The following MEGF10 variants were observed in gnomAD, a reference collection of about 807,000 sequenced individuals.
MEGF10 encodes the protein multiple EGF like domains 10.
Under a neutral mutation model 147.5 loss-of-function variants are expected in MEGF10, and 86 were observed. The observed-to-expected ratio is 0.58, with a 90% CI of 0.49 to 0.70. The LOEUF (loss-of-function observed/expected upper bound fraction) is 0.70. MEGF10 is among the 30% of genes least tolerant of loss of function. The pLI is 0.00. For missense variants in MEGF10, 1,329 were observed against 1,487.3 expected (o/e 0.89, Z 1.75); for synonymous variants, 478 against 525.5 (o/e 0.91, Z 1.24).
chr5:127,254,711 T>C, the MEGF10 span, among the ~76,000 whole-genome samples: 2 of 151,378 alleles, frequency 1.3e-5, no homozygotes, highest in Non-Finnish European at 2.9e-5. Context: ...CTTGGGAGGC[T>C]GAGGCAGGAG....
intron 7 of MEGF10, among the ~76,000 whole-genome samples, chr5:127,401,458 C>G (rs1327896115): frequency 1.3e-5 from 2 of 152,166 alleles, no homozygotes; most frequent in African/African-American, 4.8e-5. Context: ...AATTAGCACA[C>G]CAACTGCCTT....
chr5:127,319,582 C>G (rs1002565365), intron 1 of MEGF10, among the ~76,000 whole-genome samples: 4 of 152,178 alleles, frequency 2.6e-5, no homozygotes, highest in African/African-American at 9.6e-5. Flanking sequence ...TCCATCAGCT[C>G]TTTCACATGG....
In MEGF10 at chr5:127,420,029, G is replaced by C; in HGVS notation, c.1427-15G>C. On this transcript the variant is annotated splice_polypyrimidine_tract_variant and intron_variant, in intron 11 of 24. Coordinates refer to ENST00000503335, the MANE Select transcript of MEGF10 (RefSeq NM_001256545.2). ...CCTTTGTTCGCTCACGTGCTCTGGC[G>C]TTCTTGTCGCACAGGCTGGCACGGG... The C allele has an allele frequency of 6.2e-7, 1 of 1,613,178 alleles. No individual in the cohort carries two copies. The highest frequency in any genetic ancestry group is 8.5e-7 in the Non-Finnish European group (1 of 1,179,582).
chr5:127,275,083 A>G, the MEGF10 span, among the ~76,000 whole-genome samples: 17 of 152,362 alleles, frequency 1.1e-4, no homozygotes, highest in South Asian at 4.1e-4. Context: ...CCAGCAGACA[A>G]GCCCTGGGCT....
chr5:127,245,652 A>G, the MEGF10 span, among the ~76,000 whole-genome samples: 4 of 152,252 alleles, frequency 2.6e-5, no homozygotes, highest in Admixed American at 2.0e-4. Context: ...AAAAGAAACT[A>G]TCATCAGAGT....
At chr5:127,269,652 T>C in the MEGF10 span, among the ~76,000 whole-genome samples, 18 of 152,300 alleles carry the variant, frequency 1.2e-4, no homozygotes, top group Non-Finnish European at 4.4e-5. Flanking sequence ...GGAACCAAGT[T>C]GGAAAACACT....
chr5:127,421,411 T>A (rs1223555198), intron 12 of MEGF10, among the ~76,000 whole-genome samples: 6 of 152,228 alleles, frequency 3.9e-5, no homozygotes, highest in Non-Finnish European at 8.8e-5. Flanking sequence ...CTGGTTCCCA[T>A]GTTCCTCCTC....
chr5:127,366,219 T>C (rs771513884), intron 4 of MEGF10, among the ~76,000 whole-genome samples: 2 of 152,072 alleles, frequency 1.3e-5, no homozygotes, highest in Non-Finnish European at 2.9e-5. Flanking sequence ...CCTTGGTGAG[T>C]TGGGACATCA....
At chr5:127,263,374 C>A in the MEGF10 span, among the ~76,000 whole-genome samples, 2 of 151,826 alleles carry the variant, frequency 1.3e-5, no homozygotes, top group Non-Finnish European at 2.9e-5. Flanking sequence ...CATGCCTTTG[C>A]TATAGATTTC....
chr5:127,267,090 C>T, the MEGF10 span, among the ~76,000 whole-genome samples: 2 of 152,166 alleles, frequency 1.3e-5, no homozygotes, highest in Non-Finnish European at 1.5e-5. Context: ...TTTTGAGATA[C>T]AGCCCATCAA....
intron 13 of MEGF10, among the ~76,000 whole-genome samples, chr5:127,431,699 C>T (rs1269292646): frequency 6.6e-6 from 1 of 152,166 alleles, no homozygotes; most frequent in Non-Finnish European, 1.5e-5. Flanking sequence ...TCTTGGCTCA[C>T]GGTCAGAGTC....
the MEGF10 span, among the ~76,000 whole-genome samples, chr5:127,285,596 A>G: frequency 1.3e-5 from 2 of 152,158 alleles, no homozygotes; most frequent in Admixed American, 1.3e-4. Flanking sequence ...AACTAATGAG[A>G]CCCAGTTGAC....
intron 1 of MEGF10, among the ~76,000 whole-genome samples, chr5:127,312,375 C>T (rs1455991220): frequency 2.6e-5 from 4 of 152,146 alleles, no homozygotes; most frequent in Admixed American, 6.5e-5. Flanking sequence ...TTTTTGGCAC[C>T]GTGTCCGACA....
rs548229747 is a variant in MEGF10 at position 127,311,999 on chromosome 5, CT to C, written c.-18-19289del. On this transcript the variant is annotated intron_variant, in intron 1 of 24. Transcript: ENST00000503335. Reference sequence around the variant, plus strand: ...TAATTACCGCAGGAGCTAGGAAATGCTTTAAATCAGCAGCATCCCATCACAA... The same window carrying C: ...TAATTACCGCAGGAGCTAGGAAATGCTTAAATCAGCAGCATCCCATCACAA... Among the ~76,000 whole-genome samples the C allele has an allele frequency of 2.6e-5, 4 of 152,266 alleles. No homozygotes were observed. In the East Asian group the frequency reaches 7.7e-4, roughly 29 times the overall value.
rs191968256 is a variant in MEGF10 at position 127,365,684 on chromosome 5, C to A, written c.320-4226C>A. ...GTGCAGCTTGCTGTGTCTGAAGGAGCATACTGAGAGTAGGTTGAGATTCAG... is the reference window on the plus strand; with the variant it reads ...GTGCAGCTTGCTGTGTCTGAAGGAGAATACTGAGAGTAGGTTGAGATTCAG... On this transcript the variant is annotated intron_variant, in intron 4 of 24. Transcript: ENST00000503335. Among the ~76,000 whole-genome samples, 5 of 152,270 alleles carry A rather than the reference C, an allele frequency of 3.3e-5. No homozygotes were observed. The East Asian group carries it at 9.6e-4, about 29-fold the overall frequency.
chr5:127,435,611 C>A (rs954322147), intron 16 of MEGF10, 122 bp downstream of exon 16: 3 of 928,558 alleles, frequency 3.2e-6, no homozygotes, highest in Admixed American at 3.8e-5. Flanking sequence ...TTAAAAGACA[C>A]ATTCTACTTT....
chr5:127,366,951 T>A (rs370586473), intron 4 of MEGF10, among the ~76,000 whole-genome samples: 13 of 152,184 alleles, frequency 8.5e-5, no homozygotes, highest in East Asian at 7.7e-4. Context: ...GATTCTTACT[T>A]CTCTGGAACA....
rs145733370 is a variant in MEGF10 at position 127,331,358 on chromosome 5, G to A, written c.50G>A (p.Cys17Tyr). The stretch of plus-strand genomic sequence containing the variant: ...CTGAGCTTTATTTGTTTATTGTTAT[G>A]CCACTGGATTGGGACAGCATCACCT... The part of the protein sequence containing the change: ...SCLSFICLLL[C>Y]HWIGTASPLN... The change falls in exon 2 of 25, where the codon TGC becomes TAC. Residue 17 changes from cysteine (C) to tyrosine (Y), a missense_variant. By Grantham distance (194) the Cys-to-Tyr change is radical (BLOSUM62 -2). Around this residue, in one of 3 missense-constraint regions of MEGF10, gnomAD observed 980 missense variants for 1,085.9 expected, o/e 0.90. Coordinates refer to ENST00000503335, the MANE Select transcript of MEGF10 (RefSeq NM_001256545.2). 2.5e-4 allele frequency: 399 copies of A among 1,613,154 alleles called. 1 individual carries two copies. Among genetic ancestry groups the A allele is most frequent in the Non-Finnish European group, 3.3e-4 (386 of 1,179,450 alleles).
At chr5:127,437,612 CT>C (rs1445297160) in intron 16 of MEGF10, among the ~76,000 whole-genome samples, 2 of 152,184 alleles carry the variant, frequency 1.3e-5, no homozygotes, top group Admixed American at 6.5e-5. Context: ...ATTTTACCCC[CT>C]GATCTTATGC....
Sources: allele counts gnomAD v4.1 joint callset (sites outside exome capture counted in the v4.1 genomes callset), GRCh38; gene constraint gnomAD v4.1.1; regional missense constraint gnomAD v4.1.1; transcripts MANE v1.5; gene names NCBI Gene and HGNC (gene_info 2026-07-23, HGNC 2026-07-21).